ITGA1: variants seen among roughly 807,000 people sequenced by gnomAD.
The protein encoded by ITGA1 is integrin alpha-1.
Under a neutral mutation model 145.9 loss-of-function variants are expected in ITGA1, and 85 were observed. That is an observed-to-expected ratio of 0.58 (90% confidence interval 0.49 to 0.70). ITGA1 has a LOEUF of 0.70. Ranked by LOEUF, ITGA1 falls within the 30% of genes least tolerant of loss-of-function variation. ITGA1 has a pLI of 0.00. For synonymous variants in ITGA1, 520 were observed against 495.3 expected, an observed-to-expected ratio of 1.05 and a Z score of -0.66; for missense variants, 1,351 against 1,418.7, an observed-to-expected ratio of 0.95 and a Z score of 0.77.
intron 1 of ITGA1, among the ~76,000 whole-genome samples, chr5:52,797,427 C>T (rs1340336258): frequency 6.6e-6 from 1 of 151,194 alleles, no homozygotes; most frequent in Non-Finnish European, 1.5e-5. Context: ...TTAGATCTTT[C>T]TCTAAGAGTA....
At position 52,788,256 on chromosome 5, in the gene ITGA1, G is replaced by T; in HGVS notation, c.-98G>T. The T allele has an allele frequency of 1.1e-6, 1 of 940,318 alleles. No individual in the cohort carries two copies. The highest frequency in any genetic ancestry group is 2.0e-5 in the South Asian group (1 of 50,730). 58.2% of individuals were successfully genotyped at this position (940,318 alleles called of 1,614,324 possible). A position where few individuals can be genotyped will look rare whatever the true frequency, so the allele number is the denominator to read the frequency against. Reference sequence around the variant, plus strand: ...ACTGGGGCAGAGGACTGGGAACCGCGGCAGCGGGATAAGTGGCCCAGCCAG... The same window carrying T: ...ACTGGGGCAGAGGACTGGGAACCGCTGCAGCGGGATAAGTGGCCCAGCCAG... On this transcript the variant is annotated 5_prime_UTR_variant, in exon 1 of 29. Coordinates refer to ENST00000282588, the MANE Select transcript of ITGA1 (RefSeq NM_181501.2).
chr5:52,957,714 G>A lies in ITGA1; in HGVS notation c.*5263G>A, dbSNP rs1415580719. On this transcript the variant is annotated 3_prime_UTR_variant, in exon 29 of 29. Coordinates refer to ENST00000282588, the MANE Select transcript of ITGA1 (RefSeq NM_181501.2). ...CCTTGTGCCCATAGCAGGGCCTTGGGTGGTGACATGTTATCTTTGTTGGTG... is the reference window on the plus strand; with the variant it reads ...CCTTGTGCCCATAGCAGGGCCTTGGATGGTGACATGTTATCTTTGTTGGTG... 6.6e-6 allele frequency: 1 copy of A among 152,158 alleles called. No individual in the cohort carries two copies. Among genetic ancestry groups the A allele is most frequent in the Non-Finnish European group, 1.5e-5 (1 of 68,032 alleles). 9.4% of individuals were successfully genotyped at this position (152,158 alleles called of 1,614,324 possible). A position where few individuals can be genotyped will look rare whatever the true frequency, so the allele number is the denominator to read the frequency against.
At chr5:52,864,909 T>TG (rs532870378) in intron 4 of ITGA1, 58 bp downstream of exon 4, 7 of 1,552,558 alleles carry the variant, frequency 4.5e-6, no homozygotes, top group Non-Finnish European at 6.2e-6. Flanking sequence ...TTTAAGTCTT[T>TG]GTAAGATCTG....
chr5:52,836,090 A>C (rs1438955483), intron 1 of ITGA1, among the ~76,000 whole-genome samples: 1 of 152,202 alleles, frequency 6.6e-6, no homozygotes, highest in Non-Finnish European at 1.5e-5. Flanking sequence ...TCTTCCCTGA[A>C]TGCTTAATCT....
intron 6 of ITGA1, among the ~76,000 whole-genome samples, chr5:52,878,331 T>C (rs13362528): frequency 2.2e-3 from 328 of 152,318 alleles, no homozygotes; most frequent in African/African-American, 7.7e-3. Flanking sequence ...AATAAGCTTT[T>C]AGAAGCCAGG....
rs1041757778 is a variant in ITGA1, at chr5:52,912,736, G to A, written c.1857+2317G>A. The stretch of plus-strand genomic sequence containing the variant: ...AGTGTGTGTGTGTGTGTGTGTGTGT[G>A]TGTGTATATATATATATATTTTTTT... On this transcript the variant is annotated intron_variant, in intron 14 of 28. Transcript: ENST00000282588. Among the ~76,000 whole-genome samples, 328 of 104,922 alleles carry A rather than the reference G, an allele frequency of 3.1e-3. 3 individuals carry two copies. Among genetic ancestry groups the A allele is most frequent in the African/African-American group, 0.013 (297 of 23,118 alleles). The allele number at this position is 104,922 out of a possible 152,430, so 68.8% of individuals were successfully genotyped here.
rs1561253174 is a variant in ITGA1 at position 52,932,149 on chromosome 5, T to TACCTGTTTTACATCC, written c.2861+15_2861+16insCTGTTTTACATCCAC. 6.7e-7 allele frequency: 1 copy of TACCTGTTTTACATCC among 1,492,228 alleles called. No homozygotes were observed. The highest frequency in any genetic ancestry group is 9.3e-7 in the Non-Finnish European group (1 of 1,070,520). The allele number at this position is 1,492,228 out of a possible 1,614,324, so 92.4% of individuals were successfully genotyped here. On this transcript the variant is annotated intron_variant, in intron 22 of 28. Transcript: ENST00000282588. Reference sequence around the variant, plus strand: ...TACAGTTTTACAGGTAGGAGAAAACTACATTTTTATGTGGATGCCTTTCTA... The same window carrying TACCTGTTTTACATCC: ...TACAGTTTTACAGGTAGGAGAAAACTACCTGTTTTACATCCACATTTTTATGTGGATGCCTTTCTA...
intron 1 of ITGA1, among the ~76,000 whole-genome samples, chr5:52,839,528 AC>A (rs1171623368): frequency 1.3e-5 from 2 of 152,176 alleles, no homozygotes; most frequent in African/African-American, 4.8e-5. Flanking sequence ...GTCAAGTCTT[AC>A]CCAACTGTCC....
chr5:52,844,373 C>T (rs755949271), intron 1 of ITGA1, among the ~76,000 whole-genome samples: 3 of 152,190 alleles, frequency 2.0e-5, no homozygotes, highest in East Asian at 1.9e-4. Flanking sequence ...GTTATGCAGA[C>T]TAATATGTGG....
intron 1 of ITGA1, among the ~76,000 whole-genome samples, chr5:52,821,185 T>C (rs777134986): frequency 2.0e-5 from 3 of 152,192 alleles, no homozygotes; most frequent in Non-Finnish European, 4.4e-5. Context: ...TCAGTAAAGT[T>C]TGATACCATT....
intron 1 of ITGA1, among the ~76,000 whole-genome samples, chr5:52,838,953 C>G (rs1342651946): frequency 6.6e-6 from 1 of 151,992 alleles, no homozygotes; most frequent in Non-Finnish European, 1.5e-5. Context: ...AAAAATTAAC[C>G]AGGCATGGTG....
intron 28 of ITGA1, among the ~76,000 whole-genome samples, chr5:52,947,875 A>T (rs1751159651): frequency 6.6e-6 from 1 of 152,212 alleles, no homozygotes; most frequent in African/African-American, 2.4e-5. Flanking sequence ...AGTAGATTCA[A>T]GGTTAAAATA....
At chr5:52,900,079 T>G (rs1750291069) in intron 11 of ITGA1, among the ~76,000 whole-genome samples, 1 of 152,134 alleles carries the variant, frequency 6.6e-6, no homozygotes, top group East Asian at 1.9e-4. Context: ...CCTTACTTTT[T>G]TGGGTGAGAG....
At chr5:52,846,547 A>G (rs1156622481) in intron 1 of ITGA1, among the ~76,000 whole-genome samples, 1 of 152,252 alleles carries the variant, frequency 6.6e-6, no homozygotes, top group Admixed American at 6.5e-5. Flanking sequence ...TATGCAGTGC[A>G]TGACTATTTA....
intron 6 of ITGA1, among the ~76,000 whole-genome samples, chr5:52,869,771 A>C (rs932235000): frequency 1.3e-5 from 2 of 152,096 alleles, no homozygotes; most frequent in African/African-American, 4.8e-5. Flanking sequence ...GTATTTTAAA[A>C]ATTATTTTAA....
intron 2 of ITGA1, among the ~76,000 whole-genome samples, chr5:52,850,859 C>T (rs182038950): frequency 2.6e-5 from 4 of 152,254 alleles, no homozygotes; most frequent in Admixed American, 2.0e-4. Flanking sequence ...GAGTACAGCC[C>T]TCCCTCTAGA....
rs889871579 is a variant in ITGA1 at position 52,957,876 on chromosome 5, T to C, written c.*5425T>C. The stretch of plus-strand genomic sequence containing the variant: ...AGGTAATATCTTTATGAAAAAAAGA[T>C]GAAGTATGGAATTGTAGGAACTCTT... On this transcript the variant is annotated 3_prime_UTR_variant, in exon 29 of 29. Transcript: ENST00000282588. 3.9e-5 allele frequency: 6 copies of C among 152,224 alleles called. No individual in the cohort carries two copies. The highest frequency in any genetic ancestry group is 1.2e-4 in the African/African-American group (5 of 41,466). The allele number at this position is 152,224 out of a possible 1,614,324, so 9.4% of individuals were successfully genotyped here.
At chr5:52,892,704 A>T (rs1262675731) in intron 8 of ITGA1, among the ~76,000 whole-genome samples, 1 of 152,182 alleles carries the variant, frequency 6.6e-6, no homozygotes, top group East Asian at 1.9e-4. Flanking sequence ...GATGACTCTG[A>T]AAAGCATTGT....
At chr5:52,835,797 C>T (rs1009462449) in intron 1 of ITGA1, among the ~76,000 whole-genome samples, 1 of 152,042 alleles carries the variant, frequency 6.6e-6, no homozygotes, top group African/African-American at 2.4e-5. Context: ...CAAATCACAA[C>T]TTAAAAGCAA....
Sources: gnomAD v4.1 joint callset for allele counts (sites outside exome capture counted in the v4.1 genomes callset) on GRCh38, gnomAD v4.1.1 for gene constraint, MANE v1.5 for transcripts, NCBI Gene and HGNC (gene_info 2026-07-23, HGNC 2026-07-21) for gene names.